RUSC2: variants seen among roughly 807,000 people sequenced by gnomAD.
RUSC2 encodes AP-4 complex accessory subunit RUSC2.
A neutral mutation model predicts 122.2 loss-of-function variants in RUSC2; 34 were observed. The observed-to-expected ratio is 0.28, with a 90% confidence interval of 0.21 to 0.37. The LOEUF is 0.37. Ranked by LOEUF, RUSC2 falls within the 10% of genes least tolerant of loss-of-function variation. The probability of loss-of-function intolerance (pLI) is 1.00; values close to 1 mark genes in which losing one functional copy is unlikely to be tolerated. For synonymous variants in RUSC2, 784 were observed against 790.0 expected, an observed-to-expected ratio of 0.99 and a Z score of 0.13; for missense variants, 1,747 against 1,952.4, an observed-to-expected ratio of 0.89 and a Z score of 1.98.
rs1486640534 is a variant in RUSC2, at chr9:35,549,811, ATTTG to A, written c.2014+1284_2014+1287del. 4.6e-5 allele frequency among the ~76,000 whole-genome samples: 7 copies of A among 152,084 alleles called. No individual in the cohort carries two copies. In the South Asian group the frequency reaches 6.2e-4, roughly 13 times the overall value. ...AAATTTTAGAGAAATGGCTTTTGGC[ATTTG>A]TTTGTTTTTGTTTGGTTTGGTTTTT... is the stretch of plus-strand genomic sequence containing the variant. On this transcript the variant is annotated intron_variant, in intron 2 of 11. Transcript: ENST00000361226.
chr9:35,531,531 A>T (rs1446980552), intron 1 of RUSC2, among the ~76,000 whole-genome samples: 1 of 152,204 alleles, frequency 6.6e-6, no homozygotes, highest in African/African-American at 2.4e-5. Context: ...CTGACTCTGG[A>T]ATCAGACAGG....
intron 2 of RUSC2, among the ~76,000 whole-genome samples, chr9:35,551,789 G>A (rs1411859652): frequency 6.6e-6 from 1 of 152,206 alleles, no homozygotes; most frequent in African/African-American, 2.4e-5. Flanking sequence ...GCTGGGCATG[G>A]TGGCTCACAC....
At chr9:35,544,193 T>C (rs1246500496) in intron 1 of RUSC2, among the ~76,000 whole-genome samples, 1 of 152,192 alleles carries the variant, frequency 6.6e-6, no homozygotes, top group East Asian at 1.9e-4. Context: ...TTTTTATTAC[T>C]CTAATGACTA....
rs918322453 is a variant in RUSC2 at position 35,546,989 on chromosome 9, C to G, written c.468C>G (p.Gly156=). Residue 156 remains glycine, a synonymous_variant, in exon 2 of 12, where the codon GGC becomes GGG. Coordinates refer to ENST00000361226, the MANE Select transcript of RUSC2 (RefSeq NM_014806.5). This position sits in a 1 kb window ranked among gnomAD's most constrained non-coding sequence, Gnocchi z 4.3. ...TGCCACCATCTGGCCCCAGAGTGGG[C>G]AGGCCATGGGGGACAACACGCAGTC... ...FQLPPSGPRV[G]RPWGTTRSRA... 1 of 1,594,834 alleles carries G rather than the reference C, an allele frequency of 6.3e-7. No individual in the cohort carries two copies. Among genetic ancestry groups the G allele is most frequent in the Non-Finnish European group, 8.6e-7 (1 of 1,169,046 alleles).
chr9:35,499,233 G>A (rs1417049856), intron 1 of RUSC2, among the ~76,000 whole-genome samples: 1 of 152,196 alleles, frequency 6.6e-6, no homozygotes, highest in Non-Finnish European at 1.5e-5. Context: ...GCTGTAGTGA[G>A]TTGAGATTGT....
Position 35,560,366 on chromosome 9 carries a change from G to GGAAGAA in RUSC2, c.3729_3734dup (p.Glu1245_Glu1246dup). On this transcript the variant is annotated inframe_insertion, in exon 10 of 12. Coordinates refer to ENST00000361226, the MANE Select transcript of RUSC2 (RefSeq NM_014806.5). ...CCTCAGAAGGTGGAGAAGAGGAAGA[G>GGAAGAA]GAAGAAGAGGAGACAGAAGAGGTGG... The GGAAGAA allele has an allele frequency of 1.2e-6, 2 of 1,612,488 alleles. No homozygotes were observed. Among genetic ancestry groups the GGAAGAA allele is most frequent in the Non-Finnish European group, 1.7e-6 (2 of 1,179,462 alleles).
rs776222667 is a variant in RUSC2 at position 35,546,700 on chromosome 9, G to A, written c.179G>A (p.Gly60Glu). Residue 60 changes from glycine (G) to glutamate (E), a missense_variant, in exon 2 of 12, where the codon GGA becomes GAA. Gly to Glu is a moderately conservative substitution (Grantham distance 98). Coordinates refer to ENST00000361226, the MANE Select transcript of RUSC2 (RefSeq NM_014806.5). The surrounding 1 kb of genome is among the most constrained non-coding windows in gnomAD (Gnocchi z 4.3). Reference sequence around the variant, plus strand: ...ATCACCCAGCCCGATCAAGACCTAGGACAAGCTGACTCCCTGCTATTCAGC... The same window carrying A: ...ATCACCCAGCCCGATCAAGACCTAGAACAAGCTGACTCCCTGCTATTCAGC... The part of the protein sequence containing the change: ...LGITQPDQDL[G>E]QADSLLFSSL... 2 of 1,561,494 alleles carry A rather than the reference G, an allele frequency of 1.3e-6. No homozygotes were observed. The highest frequency in any genetic ancestry group is 3.8e-5 in the Admixed American group (2 of 52,820).
Position 35,548,760 on chromosome 9 carries a change from T to C in RUSC2, c.2014+225T>C. 1.0e-6 allele frequency: 1 copy of C among 984,886 alleles called. No individual in the cohort carries two copies. The allele number at this position is 984,886 out of a possible 1,614,324, so 61.0% of individuals were successfully genotyped here. On this transcript the variant is annotated intron_variant, in intron 2 of 11. Transcript: ENST00000361226. The surrounding 1 kb of genome is among the most constrained non-coding windows in gnomAD (Gnocchi z 4.5). The stretch of plus-strand genomic sequence containing the variant: ...AATACACTGAGCAGACTGGGTGCAG[T>C]GACTCACACCTGTGATCCCAGCCCT...
Position 35,556,088 on chromosome 9 carries a change from G to A in RUSC2, c.2793G>A (p.Glu931=). The A allele has an allele frequency of 6.2e-7, 1 of 1,614,212 alleles. No individual in the cohort carries two copies. Among genetic ancestry groups the A allele is most frequent in the South Asian group, 1.1e-5 (1 of 91,086 alleles). The stretch of plus-strand genomic sequence containing the variant: ...TGGCCCGAAGAAACCCTATCTTTGA[G>A]TTCCCTGGCTCCCTCAGTGCTGCCA... ...ARLARRNPIF[E]FPGSLSAASH... is the part of the protein sequence containing the mutation. Residue 931 remains glutamate, a synonymous_variant, in exon 4 of 12, where the codon GAG becomes GAA. Transcript: ENST00000361226.
chr9:35,544,541 C>T (rs893780928), intron 1 of RUSC2, among the ~76,000 whole-genome samples: 8 of 152,050 alleles, frequency 5.3e-5, no homozygotes, highest in Admixed American at 2.0e-4. Flanking sequence ...CTCCTGACCT[C>T]ATGATTCTCC....
intron 1 of RUSC2, among the ~76,000 whole-genome samples, chr9:35,522,090 C>T (rs1821227251): frequency 6.6e-6 from 1 of 152,218 alleles, no homozygotes; most frequent in African/African-American, 2.4e-5. Context: ...CAGAGAAGTA[C>T]TTGTCCTATA....
intron 2 of RUSC2, among the ~76,000 whole-genome samples, chr9:35,550,080 C>T (rs769829378): frequency 9.3e-5 from 14 of 151,168 alleles, no homozygotes; most frequent in Admixed American, 4.0e-4. Context: ...GGCATGGTGG[C>T]GCATGCCTGT....
intron 2 of RUSC2, 117 bp from the exon 3 acceptor site, chr9:35,554,943 C>T (rs1821975626): frequency 1.7e-6 from 2 of 1,189,400 alleles, no homozygotes; most frequent in Admixed American, 2.1e-5. Context: ...CTACCCCATT[C>T]AATTCCTGCC....
chr9:35,560,393 A>G lies in RUSC2; in HGVS notation c.3753A>G (p.Ala1251=), dbSNP rs778981678. 6.2e-7 allele frequency: 1 copy of G among 1,614,056 alleles called. No individual in the cohort carries two copies. Among genetic ancestry groups the G allele is most frequent in the East Asian group, 2.2e-5 (1 of 44,888 alleles). The change falls in exon 10 of 12, where the codon GCA becomes GCG. Residue 1251 remains alanine (A), a synonymous_variant. Coordinates refer to ENST00000361226, the MANE Select transcript of RUSC2 (RefSeq NM_014806.5). Reference sequence around the variant, plus strand: ...AAGAAGAGGAGACAGAAGAGGTGGCAGAGGCAGCCGGGGGCTCAGGGCGTG... The same window carrying G: ...AAGAAGAGGAGACAGAAGAGGTGGCGGAGGCAGCCGGGGGCTCAGGGCGTG... ...EEEEEETEEV[A]EAAGGSGRAR... is the part of the protein sequence containing the mutation.
In RUSC2 at chr9:35,557,793, G is replaced by A. The variant is rs1822054149; in HGVS notation, c.2984-121G>A. 5.1e-6 allele frequency: 4 copies of A among 784,180 alleles called. No individual in the cohort carries two copies. Among genetic ancestry groups the A allele is most frequent in the South Asian group, 4.3e-5 (3 of 69,022 alleles). The allele number at this position is 784,180 out of a possible 1,614,324, so 48.6% of individuals were successfully genotyped here. On this transcript the variant is annotated intron_variant, in intron 5 of 11. Transcript: ENST00000361226. The surrounding 1 kb of genome is among the most constrained non-coding windows in gnomAD (Gnocchi z 4.6). ...CTGAATGTTTTGATAAGACCCATGT[G>A]CAGATGTGGAGACGGAGTAAGTGTG...
rs561392265 is a variant in RUSC2 at position 35,547,811 on chromosome 9, A to ACCAGGCCCTGGCCCAGAC, written c.1299_1316dup (p.Gly434_Pro439dup). ...AGGAACACACCAAGATAAGTCCCCC[A>ACCAGGCCCTGGCCCAGAC]CCAGGCCCTGGCCCAGACCCAGGCC... is the stretch of plus-strand genomic sequence containing the variant. On this transcript the variant is annotated inframe_insertion, in exon 2 of 12. Transcript: ENST00000361226. This position sits in a 1 kb window ranked among gnomAD's most constrained non-coding sequence, Gnocchi z 4.6. The ACCAGGCCCTGGCCCAGAC allele has an allele frequency of 2.7e-5, 43 of 1,614,026 alleles. No homozygotes were observed. The Admixed American group carries it at 6.8e-4, about 26-fold the overall frequency.
chr9:35,526,307 A>G (rs2031579791), intron 1 of RUSC2, among the ~76,000 whole-genome samples: 1 of 152,186 alleles, frequency 6.6e-6, no homozygotes, highest in Non-Finnish European at 1.5e-5. Context: ...AAAGGTATCC[A>G]TATCCAGTCT....
chr9:35,515,442 AT>A (rs1307396919), intron 1 of RUSC2, among the ~76,000 whole-genome samples: 4 of 151,978 alleles, frequency 2.6e-5, no homozygotes, highest in Non-Finnish European at 5.9e-5. Context: ...AACATCATCG[AT>A]TGCTGCTATT....
In RUSC2 at chr9:35,546,310, C is replaced by T. The variant is rs1297569542; in HGVS notation, c.-92-120C>T. ...ATTGGGCTGTGTGGTCAAGCTCCAT[C>T]TTGACTCAAGCCTTTTCTCTTCCTG... On this transcript the variant is annotated intron_variant, in intron 1 of 11. Coordinates refer to ENST00000361226, the MANE Select transcript of RUSC2 (RefSeq NM_014806.5). The surrounding 1 kb of genome is among the most constrained non-coding windows in gnomAD (Gnocchi z 4.3). 1 of 381,360 alleles carries T rather than the reference C, an allele frequency of 2.6e-6. No individual in the cohort carries two copies. Among genetic ancestry groups the T allele is most frequent in the Non-Finnish European group, 4.6e-6 (1 of 216,278 alleles). 23.6% of individuals were successfully genotyped at this position (381,360 alleles called of 1,614,324 possible).
Sources: allele counts gnomAD v4.1 joint callset (sites outside exome capture counted in the v4.1 genomes callset), GRCh38; gene constraint gnomAD v4.1.1; non-coding constraint Gnocchi (gnomAD v3.1); transcripts MANE v1.5; gene names NCBI Gene and HGNC (gene_info 2026-07-23, HGNC 2026-07-21).